Variants in GALNTL6 observed in about 807,000 individuals in gnomAD.
The protein encoded by GALNTL6 is polypeptide N-acetylgalactosaminyltransferase-like 6.
Under a neutral mutation model 73.7 loss-of-function variants are expected in GALNTL6, and 46 were observed. That is an observed-to-expected ratio of 0.62 (90% CI 0.49 to 0.80). The LOEUF is 0.80. Among genes scored for constraint, GALNTL6 ranks in the 30% least tolerant of loss-of-function variants. The probability of loss-of-function intolerance (pLI) is 0.00; values close to 1 mark genes in which losing one functional copy is unlikely to be tolerated. For synonymous variants in GALNTL6, 259 were observed against 263.7 expected (o/e 0.98, Z 0.17); for missense variants, 604 against 755.0 (o/e 0.80, Z 2.34).
chr4:172,884,880 C>G (rs2111197299), intron 8 of GALNTL6, among the ~76,000 whole-genome samples: 1 of 152,216 alleles, frequency 6.6e-6, no homozygotes, highest in African/African-American at 2.4e-5. Context: ...AGAAACTGTC[C>G]TTTTCCCCAC....
intron 12 of GALNTL6, among the ~76,000 whole-genome samples, chr4:173,027,651 A>T (rs1753288104): frequency 6.6e-6 from 1 of 152,222 alleles, no homozygotes; most frequent in Non-Finnish European, 1.5e-5. Context: ...ATAAAATAGA[A>T]TGTTGACTAT....
chr4:172,879,037 A>G (rs1279347967), intron 7 of GALNTL6, among the ~76,000 whole-genome samples: 7 of 151,922 alleles, frequency 4.6e-5, no homozygotes, highest in Non-Finnish European at 1.0e-4. Flanking sequence ...ATTTCATAGC[A>G]ATAATAAAGT....
chr4:171,940,225 C>T (rs946904626), intron 2 of GALNTL6, among the ~76,000 whole-genome samples: 1 of 151,870 alleles, frequency 6.6e-6, no homozygotes, highest in African/African-American at 2.4e-5. Flanking sequence ...ATTGTGTCCT[C>T]AGAAAATACA....
intron 7 of GALNTL6, among the ~76,000 whole-genome samples, chr4:172,859,874 T>A (rs1824344): frequency 0.25 from 38,745 of 152,028 alleles, 5,376 homozygotes; most frequent in African/African-American, 0.36. Context: ...TAATACCTGA[T>A]GATCTGTCAT....
intron 5 of GALNTL6, among the ~76,000 whole-genome samples, chr4:172,605,862 A>G (rs1403931703): frequency 6.6e-6 from 1 of 152,112 alleles, no homozygotes; most frequent in African/African-American, 2.4e-5. Flanking sequence ...AAAAGCTCTC[A>G]GCACAGAAAG....
intron 2 of GALNTL6, among the ~76,000 whole-genome samples, chr4:171,879,572 G>A (rs1419654521): frequency 6.6e-6 from 1 of 152,048 alleles, no homozygotes; most frequent in African/African-American, 2.4e-5. Flanking sequence ...AATATGATTA[G>A]ACAATTCATC....
chr4:172,697,046 C>T (rs1733739567), intron 5 of GALNTL6, among the ~76,000 whole-genome samples: 1 of 152,008 alleles, frequency 6.6e-6, no homozygotes, highest in African/African-American at 2.4e-5. Flanking sequence ...AACAATAATT[C>T]TTCAAAGATA....
intron 2 of GALNTL6, among the ~76,000 whole-genome samples, chr4:172,155,448 A>G (rs1484649239): frequency 1.3e-5 from 2 of 152,192 alleles, no homozygotes; most frequent in African/African-American, 2.4e-5. Context: ...AGCCTTCAGA[A>G]CTGACTGTGA....
chr4:172,609,030 C>A (rs889321646), intron 5 of GALNTL6, among the ~76,000 whole-genome samples: 3 of 152,044 alleles, frequency 2.0e-5, no homozygotes, highest in Admixed American at 6.6e-5. Context: ...GATCAAGGAG[C>A]TTTTGTGCAG....
chr4:172,863,406 G>A (rs915041173), intron 7 of GALNTL6, among the ~76,000 whole-genome samples: 1 of 152,206 alleles, frequency 6.6e-6, no homozygotes, highest in Non-Finnish European at 1.5e-5. Flanking sequence ...CATAGGCGGA[G>A]CTGCCCAAGG....
At chr4:172,480,524 A>G (rs1733413697) in intron 5 of GALNTL6, among the ~76,000 whole-genome samples, 1 of 152,246 alleles carries the variant, frequency 6.6e-6, no homozygotes, top group Admixed American at 6.5e-5. Flanking sequence ...ACAAAATACT[A>G]GGGATCATAC....
In GALNTL6 at chr4:172,766,957, G is replaced by A. The variant is rs182807863; in HGVS notation, c.554-42404G>A. Among the ~76,000 whole-genome samples, 146 of 152,310 alleles carry A rather than the reference G, an allele frequency of 9.6e-4. 1 individual carries two copies. The highest frequency in any genetic ancestry group is 1.2e-3 in the South Asian group (6 of 4,820). Reference sequence around the variant, plus strand: ...GCACCATTCTGACTATTTTGCTGGTGGGGCATTTGTATTCTACTCAATGAT... The same window carrying A: ...GCACCATTCTGACTATTTTGCTGGTAGGGCATTTGTATTCTACTCAATGAT... On this transcript the variant is annotated intron_variant, in intron 5 of 12. Transcript: ENST00000506823.
At chr4:172,020,160 A>G (rs993430419) in intron 2 of GALNTL6, among the ~76,000 whole-genome samples, 1 of 152,078 alleles carries the variant, frequency 6.6e-6, no homozygotes, top group South Asian at 2.1e-4. Flanking sequence ...GGGATACAAT[A>G]AAAGCAGTAC....
intron 2 of GALNTL6, among the ~76,000 whole-genome samples, chr4:172,042,210 T>C (rs1009877744): frequency 1.3e-5 from 2 of 152,096 alleles, no homozygotes; most frequent in East Asian, 1.9e-4. Flanking sequence ...CTTTAAGCCC[T>C]ATGAGTTTTG....
intron 2 of GALNTL6, among the ~76,000 whole-genome samples, chr4:172,024,880 A>C (rs752381648): frequency 3.6e-4 from 55 of 150,702 alleles, no homozygotes; most frequent in Non-Finnish European, 6.5e-4. Context: ...CCCTGTCTAA[A>C]TTAAGAGATT....
At chr4:172,109,205 T>A (rs968562811) in intron 2 of GALNTL6, among the ~76,000 whole-genome samples, 1 of 152,032 alleles carries the variant, frequency 6.6e-6, no homozygotes, top group Non-Finnish European at 1.5e-5. Flanking sequence ...GTTCTAAGGC[T>A]CTCATCAATG....
chr4:172,509,834 G>A lies in GALNTL6; in HGVS notation c.553+161145G>A, dbSNP rs1734425193. On this transcript the variant is annotated intron_variant, in intron 5 of 12. Coordinates refer to ENST00000506823, the MANE Select transcript of GALNTL6 (RefSeq NM_001034845.3). ...TTGATGCCAGTACCATGCTGTTTTG[G>A]TGACTATAGCCTTGTAGTATAGTTT... 7.2e-5 allele frequency among the ~76,000 whole-genome samples: 4 copies of A among 55,508 alleles called. 1 individual carries two copies. The highest frequency in any genetic ancestry group is 1.8e-4 in the African/African-American group (4 of 22,286). The allele number at this position is 55,508 out of a possible 152,430, so 36.4% of individuals were successfully genotyped here.
intron 5 of GALNTL6, among the ~76,000 whole-genome samples, chr4:172,762,009 G>A (rs1163903035): frequency 1.3e-5 from 2 of 151,928 alleles, no homozygotes; most frequent in East Asian, 3.9e-4. Flanking sequence ...TTGACACCAG[G>A]GACTGTAAAC....
At chr4:172,266,656 A>G (rs1298298992) in intron 3 of GALNTL6, among the ~76,000 whole-genome samples, 2 of 151,818 alleles carry the variant, frequency 1.3e-5, no homozygotes, top group Non-Finnish European at 2.9e-5. Flanking sequence ...TAAAAACATT[A>G]TCACCCTAAA....
Sources: allele counts gnomAD v4.1 joint callset (sites outside exome capture counted in the v4.1 genomes callset), GRCh38; gene constraint gnomAD v4.1.1; transcripts MANE v1.5; gene names NCBI Gene and HGNC (gene_info 2026-07-23, HGNC 2026-07-21).